STK32B: variants seen among roughly 807,000 people sequenced by gnomAD.
STK32B encodes serine/threonine-protein kinase 32B.
STK32B carries 43 observed loss-of-function variants against 52.6 expected under a neutral mutation model. The ratio of observed to expected loss-of-function variants is 0.82; its 90% CI spans 0.64 to 1.05. The LOEUF (loss-of-function observed/expected upper bound fraction) is 1.05, where lower values mean the gene tolerates loss of function less well. STK32B is among the 50% of genes least tolerant of loss of function. The pLI is 0.00. For synonymous variants in STK32B, 238 were observed against 204.3 expected, an observed-to-expected ratio of 1.17 and a Z score of -1.41; for missense variants, 621 against 534.6, an observed-to-expected ratio of 1.16 and a Z score of -1.59.
intron 11 of STK32B, among the ~76,000 whole-genome samples, chr4:5,477,360 G>A (rs770819282): frequency 1.3e-5 from 2 of 152,066 alleles, no homozygotes; most frequent in African/African-American, 2.4e-5. Flanking sequence ...AGACCTCTGT[G>A]TTGAATTGAA....
At chr4:5,250,133 A>T (rs1725810896) in intron 3 of STK32B, among the ~76,000 whole-genome samples, 1 of 152,104 alleles carries the variant, frequency 6.6e-6, no homozygotes, top group African/African-American at 2.4e-5. Flanking sequence ...TATATGTGCC[A>T]TATTTTCTTT....
chr4:5,203,719 A>T (rs896294498), intron 3 of STK32B, among the ~76,000 whole-genome samples: 7 of 152,050 alleles, frequency 4.6e-5, no homozygotes, highest in African/African-American at 1.7e-4. Flanking sequence ...TGTCATTCCT[A>T]ATTTTTCTAT....
At position 5,206,585 on chromosome 4, in the gene STK32B, C is replaced by T. The variant is rs970175294; in HGVS notation, c.260+38135C>T. ...GAGAGTGCCTGGCAGATGGATAGGC[C>T]GATGAATGGAGGCCTCAGTAATTGA... On this transcript the variant is annotated intron_variant, in intron 3 of 11. Transcript: ENST00000282908. Among the ~76,000 whole-genome samples the T allele has an allele frequency of 1.3e-4, 20 of 152,080 alleles. No individual in the cohort carries two copies. In the South Asian group the frequency reaches 2.3e-3, roughly 17 times the overall value.
chr4:5,123,737 C>T (rs905449953), intron 1 of STK32B, among the ~76,000 whole-genome samples: 1 of 152,060 alleles, frequency 6.6e-6, no homozygotes, highest in African/African-American at 2.4e-5. Flanking sequence ...CCTTAATTAC[C>T]TCCTTAAAGA....
chr4:5,230,569 G>C (rs1379666445), intron 3 of STK32B, among the ~76,000 whole-genome samples: 1 of 152,232 alleles, frequency 6.6e-6, no homozygotes, highest in East Asian at 1.9e-4. Flanking sequence ...GAGTATGAAG[G>C]TTTGGGCAAA....
Position 5,479,123 on chromosome 4 carries a change from G to GTT in STK32B, c.1106+11067_1106+11068dup, listed in dbSNP as rs5855856. 3.5e-3 allele frequency among the ~76,000 whole-genome samples: 485 copies of GTT among 139,374 alleles called. 4 individuals are homozygous for GTT. Among genetic ancestry groups the GTT allele is most frequent in the South Asian group, 0.02 (85 of 4,330 alleles). The allele number at this position is 139,374 out of a possible 152,430, so 91.4% of individuals were successfully genotyped here. On this transcript the variant is annotated intron_variant, in intron 11 of 11. Coordinates refer to ENST00000282908, the MANE Select transcript of STK32B (RefSeq NM_018401.3). ...TTTTTGTTTGTTTGTTTTTGTTTTTGTTTTTTTTTTTTTTTAGATGGAGTC... is the reference window on the plus strand; with the variant it reads ...TTTTTGTTTGTTTGTTTTTGTTTTTGTTTTTTTTTTTTTTTTTAGATGGAGTC...
intron 5 of STK32B, among the ~76,000 whole-genome samples, chr4:5,411,271 G>A (rs938421978): frequency 6.6e-5 from 10 of 151,960 alleles, no homozygotes; most frequent in African/African-American, 1.2e-4. Context: ...TCCTGACCTC[G>A]TGATCTGCCC....
chr4:5,253,003 T>TC (rs1354985834), intron 3 of STK32B, among the ~76,000 whole-genome samples: 1 of 152,106 alleles, frequency 6.6e-6, no homozygotes, highest in East Asian at 1.9e-4. Context: ...AACTTACTCT[T>TC]CCTAAGGGCT....
intron 3 of STK32B, among the ~76,000 whole-genome samples, chr4:5,259,335 G>A (rs1167215348): frequency 6.6e-6 from 1 of 152,172 alleles, no homozygotes; most frequent in Non-Finnish European, 1.5e-5. Flanking sequence ...CACACATTAG[G>A]TGCTCAGAAA....
chr4:5,422,020 C>T (rs1712688622), intron 6 of STK32B, among the ~76,000 whole-genome samples: 1 of 152,200 alleles, frequency 6.6e-6, no homozygotes, highest in South Asian at 2.1e-4. Flanking sequence ...ACGACTTTCT[C>T]AGCCAAGAAA....
chr4:5,290,628 T>G (rs2108883166), intron 3 of STK32B, among the ~76,000 whole-genome samples: 1 of 151,678 alleles, frequency 6.6e-6, no homozygotes, highest in Non-Finnish European at 1.5e-5. Flanking sequence ...AATTTTACTT[T>G]AAGTTCATAC....
chr4:5,343,318 A>G (rs1294485915), intron 4 of STK32B, among the ~76,000 whole-genome samples: 1 of 152,008 alleles, frequency 6.6e-6, no homozygotes, highest in African/African-American at 2.4e-5. Context: ...CATGGTGTAT[A>G]TGTGCCACAT....
Position 5,432,557 on chromosome 4 carries a change from A to C in STK32B, c.563-14116A>C, listed in dbSNP as rs926128734. Among the ~76,000 whole-genome samples the C allele has an allele frequency of 2.7e-5, 4 of 148,630 alleles. No homozygotes were observed. In the East Asian group the frequency reaches 8.4e-4, roughly 31 times the overall value. On this transcript the variant is annotated intron_variant, in intron 6 of 11. Coordinates refer to ENST00000282908, the MANE Select transcript of STK32B (RefSeq NM_018401.3). ...AGTCTTGAAGTATGAATAGGAGTTC[A>C]TGAATAGGAGTTCATGAATATGAAT...
At chr4:5,363,190 C>T (rs1734661114) in intron 4 of STK32B, among the ~76,000 whole-genome samples, 1 of 152,322 alleles carries the variant, frequency 6.6e-6, no homozygotes, top group South Asian at 2.1e-4. Flanking sequence ...AGAATGCAGT[C>T]ATGAAAGTAT....
chr4:5,022,292 T>G, the STK32B span, among the ~76,000 whole-genome samples: 1 of 152,148 alleles, frequency 6.6e-6, no homozygotes, highest in Non-Finnish European at 1.5e-5. Flanking sequence ...CAGTAAGGTG[T>G]GGCTGAATGG....
intron 7 of STK32B, among the ~76,000 whole-genome samples, chr4:5,454,069 C>T (rs1253427650): frequency 1.3e-5 from 2 of 152,160 alleles, no homozygotes; most frequent in East Asian, 1.9e-4. Context: ...TCATTCCACC[C>T]CCGACCTCTC....
At chr4:5,437,352 G>A (rs1370522184) in intron 6 of STK32B, among the ~76,000 whole-genome samples, 2 of 152,250 alleles carry the variant, frequency 1.3e-5, no homozygotes, top group Non-Finnish European at 2.9e-5. Flanking sequence ...AGAAGCCACG[G>A]GAGGATTCTT....
At chr4:5,339,219 G>A (rs1007865888) in intron 4 of STK32B, among the ~76,000 whole-genome samples, 1 of 152,158 alleles carries the variant, frequency 6.6e-6, no homozygotes, top group African/African-American at 2.4e-5. Flanking sequence ...TCTCCAGCTT[G>A]CAGATAGCAG....
intron 3 of STK32B, among the ~76,000 whole-genome samples, chr4:5,307,548 C>CT (rs558277345): frequency 0.13 from 17,547 of 137,242 alleles, 2,404 homozygotes; most frequent in African/African-American, 0.35. Flanking sequence ...TATGCTCTAT[C>CT]TTTTTTTTTT....
Sources: gnomAD v4.1 joint callset for allele counts (sites outside exome capture counted in the v4.1 genomes callset) on GRCh38, gnomAD v4.1.1 for gene constraint, MANE v1.5 for transcripts, NCBI Gene and HGNC (gene_info 2026-07-23, HGNC 2026-07-21) for gene names.